The following LIMCH1 variants were observed in gnomAD, a reference collection of about 807,000 sequenced individuals.
The protein encoded by LIMCH1 is LIM and calponin homology domains 1, also known as LIM and calponin homology domains-containing protein 1.
A neutral mutation model predicts 176.5 loss-of-function variants in LIMCH1; 113 were observed. The observed-to-expected ratio is 0.64, with a 90% CI of 0.55 to 0.75. LIMCH1 has a LOEUF of 0.75. Among genes scored for constraint, LIMCH1 ranks in the 30% least tolerant of loss-of-function variants. The probability of loss-of-function intolerance (pLI) is 0.00; values close to 1 mark genes in which losing one functional copy is unlikely to be tolerated. For synonymous variants in LIMCH1, 619 were observed against 645.9 expected, an observed-to-expected ratio of 0.96 and a Z score of 0.63; for missense variants, 1,674 against 1,814.9, an observed-to-expected ratio of 0.92 and a Z score of 1.41.
At chr4:41,652,153 C>A (rs6447100) in intron 18 of LIMCH1, among the ~76,000 whole-genome samples, 53,630 of 152,066 alleles carry the variant, frequency 0.35, 10,564 homozygotes, top group African/African-American at 0.52. Context: ...ACCAAGGGAG[C>A]TGAGCGTTGT....
chr4:41,514,525 AGTGCAAG>A (rs2152376206), intron 2 of LIMCH1, among the ~76,000 whole-genome samples: 1 of 152,318 alleles, frequency 6.6e-6, no homozygotes, highest in East Asian at 1.9e-4. Context: ...GGCTAGGACA[AGTGCAAG>A]GTGGGGCAGA....
intron 4 of LIMCH1, among the ~76,000 whole-genome samples, 155 bp from the exon 5 acceptor site, chr4:41,613,311 A>G (rs886190081): frequency 1.3e-5 from 2 of 152,042 alleles, no homozygotes; most frequent in Non-Finnish European, 2.9e-5. Context: ...CAGAGCAGTG[A>G]CTTTTCAAAG....
intron 2 of LIMCH1, among the ~76,000 whole-genome samples, chr4:41,499,292 C>T (rs2072785783): frequency 6.6e-6 from 1 of 152,144 alleles, no homozygotes; most frequent in South Asian, 2.1e-4. Flanking sequence ...GCCATATTTG[C>T]TTTATCTCTT....
intron 1 of LIMCH1, among the ~76,000 whole-genome samples, chr4:41,583,655 C>T (rs1380561896): frequency 6.6e-6 from 1 of 152,084 alleles, no homozygotes; most frequent in African/African-American, 2.4e-5. Context: ...TTTCTCCACA[C>T]CTTTTTTGAA....
chr4:41,373,450 G>A (rs765293085), intron 1 of LIMCH1, among the ~76,000 whole-genome samples: 1 of 152,214 alleles, frequency 6.6e-6, no homozygotes. Flanking sequence ...CTGGGCCATG[G>A]CTGGCCTTGT....
At chr4:41,431,232 C>T (rs142295043) in intron 1 of LIMCH1, among the ~76,000 whole-genome samples, 3 of 152,086 alleles carry the variant, frequency 2.0e-5, no homozygotes, top group African/African-American at 7.2e-5. Context: ...GAGGAAGGGT[C>T]AAAGCTTTGA....
intron 1 of LIMCH1, among the ~76,000 whole-genome samples, chr4:41,585,038 AT>A (rs1324337730): frequency 2.6e-5 from 4 of 152,144 alleles, no homozygotes; most frequent in African/African-American, 9.7e-5. Flanking sequence ...CACTAATCCC[AT>A]TTATGAGGGC....
intron 1 of LIMCH1, among the ~76,000 whole-genome samples, chr4:41,393,981 CAT>C (rs1285224936): frequency 1.3e-5 from 2 of 152,258 alleles, no homozygotes; most frequent in African/African-American, 4.8e-5. Context: ...TTGGGAATAA[CAT>C]AAAATATCCT....
At chr4:41,552,617 T>G (rs973725308) in intron 1 of LIMCH1, among the ~76,000 whole-genome samples, 2 of 152,190 alleles carry the variant, frequency 1.3e-5, no homozygotes, top group African/African-American at 4.8e-5. Context: ...ATTTAAAAAT[T>G]TTGTGACACA....
At chr4:41,561,605 C>A (rs942750828) in intron 1 of LIMCH1, among the ~76,000 whole-genome samples, 2 of 152,106 alleles carry the variant, frequency 1.3e-5, no homozygotes, top group African/African-American at 4.8e-5. Flanking sequence ...TATGAAAAAA[C>A]AGTTTACAAA....
intron 1 of LIMCH1, among the ~76,000 whole-genome samples, chr4:41,406,671 G>T (rs924999793): frequency 3.9e-5 from 6 of 152,162 alleles, no homozygotes; most frequent in Admixed American, 2.0e-4. Flanking sequence ...GAAGAGACCA[G>T]CAGTGAATTA....
chr4:41,413,849 G>A (rs1455388934), intron 1 of LIMCH1, among the ~76,000 whole-genome samples: 1 of 152,118 alleles, frequency 6.6e-6, no homozygotes, highest in Admixed American at 6.5e-5. Context: ...ACTAGCAGAG[G>A]TTCCTGTGGT....
At chr4:41,659,312 A>G (rs1265062752) in intron 18 of LIMCH1, among the ~76,000 whole-genome samples, 1 of 152,170 alleles carries the variant, frequency 6.6e-6, no homozygotes, top group Non-Finnish European at 1.5e-5. Flanking sequence ...ACTTAATATT[A>G]TGTTCTTCCA....
intron 1 of LIMCH1, among the ~76,000 whole-genome samples, chr4:41,440,758 C>T (rs2062617766): frequency 6.6e-6 from 1 of 152,096 alleles, no homozygotes; most frequent in South Asian, 2.1e-4. Flanking sequence ...GTCTCGAACT[C>T]CTGACCTCAG....
intron 1 of LIMCH1, among the ~76,000 whole-genome samples, chr4:41,582,240 GA>G (rs772626844): frequency 6.6e-6 from 1 of 152,170 alleles, no homozygotes; most frequent in Non-Finnish European, 1.5e-5. Context: ...CCGTAACCCA[GA>G]GCTGCATGTG....
rs2094681139 is a variant in LIMCH1 at position 41,662,995 on chromosome 4, G to A, written c.3291+11G>A. ...GTGCTGTCACAAAAGGTGAAGTGCA[G>A]AGTGGAGGAAAGCGGTTAAACCCAC... On this transcript the variant is annotated intron_variant, in intron 20 of 31. Transcript: ENST00000503057. The A allele has an allele frequency of 6.2e-7, 1 of 1,611,966 alleles. No individual in the cohort carries two copies. The highest frequency in any genetic ancestry group is 1.1e-5 in the South Asian group (1 of 90,782).
chr4:41,643,852 CA>C (rs1378155571), intron 14 of LIMCH1, among the ~76,000 whole-genome samples: 1 of 152,090 alleles, frequency 6.6e-6, no homozygotes, highest in East Asian at 1.9e-4. Flanking sequence ...AGCAGTTTTA[CA>C]AGAAATAAAA....
chr4:41,438,112 A>G (rs1561371141), intron 1 of LIMCH1, among the ~76,000 whole-genome samples: 1 of 152,208 alleles, frequency 6.6e-6, no homozygotes, highest in Non-Finnish European at 1.5e-5. Context: ...CTGTGGAACA[A>G]ACCACATCCA....
At position 41,360,966 on chromosome 4, in the gene LIMCH1, G is replaced by A; in HGVS notation, c.96+30G>A. The A allele has an allele frequency of 7.9e-6, 12 of 1,518,792 alleles. No homozygotes were observed. Among genetic ancestry groups the A allele is most frequent in the Non-Finnish European group, 1.1e-5 (12 of 1,124,836 alleles). The allele number at this position is 1,518,792 out of a possible 1,614,324, so 94.1% of individuals were successfully genotyped here. On this transcript the variant is annotated intron_variant, in intron 1 of 26. Coordinates refer to the LIMCH1 transcript ENST00000313860. This position sits in a 1 kb window ranked among gnomAD's most constrained non-coding sequence, Gnocchi z 4.5. ...GTGCGGGTGGCTGGCGGGCGGCCTT[G>A]CACTGGCGCCCTGAGCCACGGACCC...
Sources: allele counts gnomAD v4.1 joint callset (sites outside exome capture counted in the v4.1 genomes callset), GRCh38; gene constraint gnomAD v4.1.1; non-coding constraint Gnocchi (gnomAD v3.1); transcripts MANE v1.5; gene names NCBI Gene and HGNC (gene_info 2026-07-23, HGNC 2026-07-21).